The following REG4 variants were observed in gnomAD, a reference collection of about 807,000 sequenced individuals.
REG4 encodes the protein regenerating islet-derived protein 4.
REG4 carries 16 observed loss-of-function variants against 22.3 expected under a neutral mutation model. The observed-to-expected ratio is 0.72, with a 90% CI of 0.49 to 1.09. REG4 has a LOEUF of 1.09. REG4 is among the 50% of genes least tolerant of loss of function. The pLI, the probability that REG4 is intolerant of heterozygous loss-of-function variation, is 0.00. For missense variants in REG4, 214 were observed against 193.9 expected (o/e 1.10, Z -0.61); for synonymous variants, 71 against 69.2 (o/e 1.03, Z -0.13).
Position 119,803,181 on chromosome 1 carries a change from A to C in REG4, c.68-16T>G. 2.0e-6 allele frequency: 3 copies of C among 1,506,336 alleles called. No individual in the cohort carries two copies. The highest frequency in any genetic ancestry group is 2.7e-6 in the Non-Finnish European group (3 of 1,128,190). The allele number at this position is 1,506,336 out of a possible 1,614,324, so 93.3% of individuals were successfully genotyped here. A position where few individuals can be genotyped will look rare whatever the true frequency, so the allele number is the denominator to read the frequency against. ...ATGATGATATCTGCACATAAACAAA[A>C]GGCAATTGCACATTATGATAGCAAA... On this transcript the variant is annotated splice_polypyrimidine_tract_variant and intron_variant, in intron 2 of 5. Coordinates refer to ENST00000256585, the MANE Select transcript of REG4 (RefSeq NM_032044.4).
intron 5 of REG4, among the ~76,000 whole-genome samples, chr1:119,795,646 T>C (rs1347912962): frequency 6.6e-6 from 1 of 152,140 alleles, no homozygotes; most frequent in East Asian, 1.9e-4. Flanking sequence ...CTGTTCCCAG[T>C]GCGTGTGGGT....
In REG4 at chr1:119,794,095, A is replaced by C; in HGVS notation, c.*523T>G. 1 of 533,196 alleles carries C rather than the reference A, an allele frequency of 1.9e-6. No homozygotes were observed. Among genetic ancestry groups the C allele is most frequent in the Non-Finnish European group, 3.8e-6 (1 of 259,850 alleles). The allele number at this position is 533,196 out of a possible 1,614,324, so 33.0% of individuals were successfully genotyped here. A position where few individuals can be genotyped will look rare whatever the true frequency, so the allele number is the denominator to read the frequency against. On this transcript the variant is annotated 3_prime_UTR_variant, in exon 6 of 6. Transcript: ENST00000256585. ...TGGAACACAGCAACCTCTTATGTAC[A>C]CAATGGTTTATTAAAGGAATGTATG...
Position 119,794,633 on chromosome 1 carries a change from G to C in REG4, c.462C>G (p.Cys154Trp). The change falls in exon 6 of 6, where the codon TGC becomes TGG. Residue 154 changes from cysteine (C) to tryptophan (W), a missense_variant. By Grantham distance (215) the Cys-to-Trp change is radical. Coordinates refer to ENST00000256585, the MANE Select transcript of REG4 (RefSeq NM_032044.4). ...GATTCTTGCTCTATGGTCGGTACTT[G>C]CACAGGAAGTGTTGGCGCTTGTTGC... is the stretch of plus-strand genomic sequence containing the variant. ...NECNKRQHFLCKYRP is the reference protein window; with the variant it reads ...NECNKRQHFLWKYRP The C allele has an allele frequency of 6.2e-7, 1 of 1,614,054 alleles. No homozygotes were observed. The highest frequency in any genetic ancestry group is 8.5e-7 in the Non-Finnish European group (1 of 1,179,892).
chr1:119,807,457 A>C (rs1654355666), intron 2 of REG4, among the ~76,000 whole-genome samples: 1 of 152,214 alleles, frequency 6.6e-6, no homozygotes, highest in African/African-American at 2.4e-5. Flanking sequence ...CAGGGATAGG[A>C]AGATGGTTGT....
At chr1:119,803,521 G>C (rs1654189701) in intron 2 of REG4, among the ~76,000 whole-genome samples, 3 of 152,164 alleles carry the variant, frequency 2.0e-5, no homozygotes, top group Admixed American at 2.0e-4. Flanking sequence ...AGTCCAGTGG[G>C]TCCCCTGAAC....
intron 5 of REG4, 147 bp from the exon 6 acceptor site, chr1:119,794,832 G>T: frequency 1.4e-6 from 1 of 730,512 alleles, no homozygotes; most frequent in Non-Finnish European, 2.4e-6. Context: ...ATGTACAGTT[G>T]TTTGATTGCT....
chr1:119,802,965 A>G (rs919529541), intron 3 of REG4, 103 bp downstream of exon 3: 2 of 1,576,188 alleles, frequency 1.3e-6, no homozygotes, highest in Admixed American at 3.8e-5. Context: ...TTCTCTTCAT[A>G]GTGCCCAGGA....
At position 119,799,747 on chromosome 1, in the gene REG4, A is replaced by G; in HGVS notation, c.281T>C (p.Ile94Thr). The G allele has an allele frequency of 6.2e-7, 1 of 1,614,090 alleles. No homozygotes were observed. Among genetic ancestry groups the G allele is most frequent in the Non-Finnish European group, 8.5e-7 (1 of 1,180,038 alleles). The change falls in exon 4 of 6, where the codon ATT (isoleucine) becomes ACT (threonine). Residue 94 changes from isoleucine to threonine, a missense_variant. Coordinates refer to ENST00000256585, the MANE Select transcript of REG4 (RefSeq NM_032044.4). Reference protein sequence around the residue: ...SGYQRSQPIWIGLHDPQKRQQ... With the variant: ...SGYQRSQPIWTGLHDPQKRQQ... The stretch of plus-strand genomic sequence containing the variant: ...TACCTTCTGTGGGTCGTGCAGGCCA[A>G]TCCATATCGGCTGGCTTCTCTGATA...
intron 2 of REG4, among the ~76,000 whole-genome samples, chr1:119,805,369 C>T (rs373340768): frequency 2.0e-5 from 3 of 152,176 alleles, no homozygotes; most frequent in African/African-American, 7.2e-5. Flanking sequence ...ACCTTTGGCC[C>T]GAGGACAAAG....
intron 2 of REG4, among the ~76,000 whole-genome samples, chr1:119,807,704 G>A (rs1227821303): frequency 2.6e-5 from 4 of 152,196 alleles, no homozygotes; most frequent in Non-Finnish European, 4.4e-5. Flanking sequence ...CAGTGAACTG[G>A]TGTAGGGTTG....
intron 2 of REG4, 129 bp from the exon 3 acceptor site, chr1:119,803,294 C>T (rs3009201): frequency 0.011 from 9,548 of 890,326 alleles, 209 homozygotes; most frequent in African/African-American, 0.077. Context: ...TGCTACACTG[C>T]CAAAAATGTA....
At chr1:119,798,311 A>G (rs1320716436) in intron 5 of REG4, among the ~76,000 whole-genome samples, 186 bp downstream of exon 5, 4 of 152,364 alleles carry the variant, frequency 2.6e-5, no homozygotes, top group Middle Eastern at 3.4e-3. Flanking sequence ...AAGACTGTAA[A>G]GTGATCACAA....
chr1:119,808,173 G>T (rs189509540), intron 2 of REG4, among the ~76,000 whole-genome samples: 1 of 152,068 alleles, frequency 6.6e-6, no homozygotes, highest in African/African-American at 2.4e-5. Flanking sequence ...TAGCTCACTC[G>T]TACACTGTTC....
chr1:119,806,921 G>T (rs587595263), intron 2 of REG4, among the ~76,000 whole-genome samples: 2 of 152,134 alleles, frequency 1.3e-5, no homozygotes, highest in East Asian at 1.9e-4. Flanking sequence ...TTGTTGGGAA[G>T]ATTAATTAAG....
intron 3 of REG4, chr1:119,802,688 A>G: frequency 7.0e-7 from 1 of 1,421,740 alleles, no homozygotes. Context: ...GCATGTCTAC[A>G]CACCACTCTC....
Position 119,799,715 on chromosome 1 carries a change from C to T in REG4, c.303+10G>A. On this transcript the variant is annotated intron_variant, in intron 4 of 5. Coordinates refer to ENST00000256585, the MANE Select transcript of REG4 (RefSeq NM_032044.4). ...CCCAAGAGGGCCTTTGTGGCCAAGTCTGAGGTTACCTTCTGTGGGTCGTGC... is the reference window on the plus strand; with the variant it reads ...CCCAAGAGGGCCTTTGTGGCCAAGTTTGAGGTTACCTTCTGTGGGTCGTGC... 1 of 1,612,452 alleles carries T rather than the reference C, an allele frequency of 6.2e-7. No homozygotes were observed. Among genetic ancestry groups the T allele is most frequent in the Middle Eastern group, 1.7e-4 (1 of 5,754 alleles).
chr1:119,798,551 A>G lies in REG4; in HGVS notation c.355T>C (p.Ser119Pro), dbSNP rs587611862. 1.4e-4 allele frequency: 234 copies of G among 1,614,214 alleles called. 7 individuals carry two copies. The South Asian group carries it at 2.4e-3, about 17-fold the overall frequency. ...TTGTTCCCACCCATGGACTTGCCAG[A>G]CCAGGATCTGTACAGATACATGGCC... Reference protein sequence around the residue: ...DGAMYLYRSWSGKSMGGNKHC... With the variant: ...DGAMYLYRSWPGKSMGGNKHC... The change falls in exon 5 of 6, where the codon TCT becomes CCT. Residue 119 changes from serine to proline, a missense_variant. Transcript: ENST00000256585.
At chr1:119,798,657 C>A in intron 4 of REG4, 55 bp from the exon 5 acceptor site, 1 of 1,352,668 alleles carries the variant, frequency 7.4e-7, no homozygotes, top group South Asian at 1.2e-5. Context: ...CTGCCACAGC[C>A]AAGGAAGTCC....
intron 2 of REG4, among the ~76,000 whole-genome samples, chr1:119,804,106 C>G (rs887512383): frequency 6.6e-6 from 1 of 152,198 alleles, no homozygotes; most frequent in African/African-American, 2.4e-5. Context: ...AAGGGGATGT[C>G]AAGCTAGCAA....
Sources: allele counts gnomAD v4.1 joint callset (sites outside exome capture counted in the v4.1 genomes callset), GRCh38; gene constraint gnomAD v4.1.1; transcripts MANE v1.5; gene names NCBI Gene and HGNC (gene_info 2026-07-23, HGNC 2026-07-21).